The following MIR2052HG variants were observed in gnomAD, a reference collection of about 807,000 sequenced individuals.
MIR2052HG encodes the protein MIR2052 host gene.
At chr8:74,625,567 G>A (rs1237408093) in intron 2 of MIR2052HG, among the ~76,000 whole-genome samples, 2 of 152,070 alleles carry the variant, frequency 1.3e-5, no homozygotes, top group Non-Finnish European at 2.9e-5. Flanking sequence ...ATTTTGAAGA[G>A]CTTGCTTCTG....
intron 4 of MIR2052HG, among the ~76,000 whole-genome samples, chr8:74,716,797 G>C (rs1809525732): frequency 6.6e-6 from 1 of 152,062 alleles, no homozygotes; most frequent in Non-Finnish European, 1.5e-5. Flanking sequence ...CTCTGTACGT[G>C]GATATGTGCA....
chr8:74,673,649 G>A (rs1013912129), intron 2 of MIR2052HG, among the ~76,000 whole-genome samples: 3 of 151,678 alleles, frequency 2.0e-5, no homozygotes, highest in Non-Finnish European at 4.4e-5. Context: ...CCTGGTCTTG[G>A]GCTAGAAAAG....
At chr8:74,706,224 C>T (rs915503736) in intron 4 of MIR2052HG, among the ~76,000 whole-genome samples, 2 of 152,012 alleles carry the variant, frequency 1.3e-5, no homozygotes, top group Non-Finnish European at 2.9e-5. Context: ...ATGGACATGA[C>T]CTGACTTTCA....
At chr8:74,613,027 C>T (rs1808222685) in intron 2 of MIR2052HG, 1 of 430,596 alleles carries the variant, frequency 2.3e-6, no homozygotes, top group African/African-American at 2.0e-5. Flanking sequence ...GACAGTGAAA[C>T]CTCACTAAAG....
intron 2 of MIR2052HG, among the ~76,000 whole-genome samples, chr8:74,618,146 T>C (rs1808311100): frequency 6.6e-6 from 1 of 152,252 alleles, no homozygotes; most frequent in South Asian, 2.1e-4. Flanking sequence ...CTTTAAGCAC[T>C]ATTTAGAAAC....
intron 4 of MIR2052HG, among the ~76,000 whole-genome samples, chr8:74,732,815 G>A (rs1447963807): frequency 1.3e-5 from 2 of 152,086 alleles, no homozygotes; most frequent in Non-Finnish European, 2.9e-5. Flanking sequence ...GCCCATTCAA[G>A]GATACCTAAG....
chr8:74,695,548 CTTCT>C (rs1167256658), intron 2 of MIR2052HG, among the ~76,000 whole-genome samples: 8 of 152,058 alleles, frequency 5.3e-5, no homozygotes, highest in Admixed American at 4.6e-4. Context: ...AACCAAGTAT[CTTCT>C]TTCTTCAAGA....
At chr8:74,674,187 C>A (rs1809026458) in intron 2 of MIR2052HG, among the ~76,000 whole-genome samples, 1 of 149,538 alleles carries the variant, frequency 6.7e-6, no homozygotes, top group Non-Finnish European at 1.5e-5. Context: ...CTAGACAGAG[C>A]AAGTAGGATT....
intron 2 of MIR2052HG, among the ~76,000 whole-genome samples, chr8:74,686,126 A>T (rs2128739503): frequency 6.6e-6 from 1 of 151,766 alleles, no homozygotes; most frequent in Middle Eastern, 3.4e-3. Context: ...AAAAAATTCA[A>T]CTTCTACTGT....
intron 4 of MIR2052HG, among the ~76,000 whole-genome samples, chr8:74,706,927 C>T (rs531732045): frequency 4.6e-5 from 7 of 151,986 alleles, no homozygotes; most frequent in Non-Finnish European, 8.8e-5. Context: ...ACGGGTGAGG[C>T]GTGCCCATTT....
chr8:74,629,543 T>C (rs774711995), intron 2 of MIR2052HG, among the ~76,000 whole-genome samples: 3 of 152,070 alleles, frequency 2.0e-5, no homozygotes, highest in Non-Finnish European at 4.4e-5. Context: ...CAGTATAGTG[T>C]TAGTCATAGG....
chr8:74,706,181 A>G (rs1809408473), intron 4 of MIR2052HG, among the ~76,000 whole-genome samples: 1 of 152,084 alleles, frequency 6.6e-6, no homozygotes, highest in Non-Finnish European at 1.5e-5. Flanking sequence ...TTTCACAAGG[A>G]AATATGAAAT....
intron 4 of MIR2052HG, among the ~76,000 whole-genome samples, chr8:74,727,440 G>C (rs1809647833): frequency 6.6e-6 from 1 of 152,092 alleles, no homozygotes; most frequent in Non-Finnish European, 1.5e-5. Context: ...TTATTTAATT[G>C]GCTCAGAGAT....
intron 2 of MIR2052HG, among the ~76,000 whole-genome samples, chr8:74,659,627 G>A (rs752799703): frequency 1.3e-5 from 2 of 152,042 alleles, no homozygotes; most frequent in African/African-American, 2.4e-5. Context: ...AGAATGTCTC[G>A]TAGATATGGG....
At chr8:74,670,734 A>G (rs1808982866) in intron 2 of MIR2052HG, among the ~76,000 whole-genome samples, 1 of 152,194 alleles carries the variant, frequency 6.6e-6, no homozygotes, top group Non-Finnish European at 1.5e-5. Context: ...AAACAAGCCA[A>G]CTGGGAGAAA....
chr8:74,695,402 G>A (rs1809285215), intron 2 of MIR2052HG, among the ~76,000 whole-genome samples: 1 of 151,626 alleles, frequency 6.6e-6, no homozygotes, highest in Admixed American at 6.6e-5. Flanking sequence ...AAAACACAAT[G>A]AAAACCAAGG....
intron 2 of MIR2052HG, among the ~76,000 whole-genome samples, chr8:74,642,775 A>G (rs1442481057): frequency 6.6e-6 from 1 of 152,140 alleles, no homozygotes; most frequent in African/African-American, 2.4e-5. Flanking sequence ...TGTGTCTCTG[A>G]AATTGTACAG....
chr8:74,620,499 C>G (rs1330528504), intron 2 of MIR2052HG, among the ~76,000 whole-genome samples: 2 of 152,258 alleles, frequency 1.3e-5, no homozygotes, highest in Non-Finnish European at 2.9e-5. Flanking sequence ...CCTCTGAAAT[C>G]TAGGTGGAAG....
chr8:74,696,998 C>T (rs892061078), intron 2 of MIR2052HG, among the ~76,000 whole-genome samples: 21 of 151,780 alleles, frequency 1.4e-4, no homozygotes, highest in Non-Finnish European at 2.7e-4. Flanking sequence ...ATCACCGTAA[C>T]ACCAAAACCA....
Sources: gnomAD v4.1 joint callset for allele counts (sites outside exome capture counted in the v4.1 genomes callset) on GRCh38, gnomAD v4.1.1 for gene constraint, MANE v1.5 for transcripts, NCBI Gene and HGNC (gene_info 2026-07-23, HGNC 2026-07-21) for gene names.